The following TTC28 variants were observed in gnomAD, a reference collection of about 807,000 sequenced individuals.
TTC28 encodes tetratricopeptide repeat domain 28, also known as tetratricopeptide repeat protein 28.
Under a neutral mutation model 198.0 loss-of-function variants are expected in TTC28, and 61 were observed. The observed-to-expected ratio is 0.31, with a 90% CI of 0.25 to 0.38. The LOEUF (loss-of-function observed/expected upper bound fraction) is 0.38, where lower values mean the gene tolerates loss of function less well. TTC28 is among the 10% of genes least tolerant of loss of function. The probability of loss-of-function intolerance (pLI) is 1.00; values close to 1 mark genes in which losing one functional copy is unlikely to be tolerated. For missense variants in TTC28, 2,678 were observed against 3,164.0 expected, an observed-to-expected ratio of 0.85 and a Z score of 3.69; for synonymous variants, 1,171 against 1,297.8, an observed-to-expected ratio of 0.90 and a Z score of 2.10.
chr22:28,536,198 C>CAAAAAAAAAAAAAA (rs59506221), intron 2 of TTC28, among the ~76,000 whole-genome samples: 2 of 64,402 alleles, frequency 3.1e-5, no homozygotes, highest in Non-Finnish European at 5.8e-5. Flanking sequence ...GACACCGTCT[C>CAAAAAAAAAAAAAA]AAAAAAAAAA....
intron 2 of TTC28, among the ~76,000 whole-genome samples, chr22:28,537,814 G>A (rs1026758761): frequency 6.6e-6 from 1 of 152,142 alleles, no homozygotes; most frequent in Non-Finnish European, 1.5e-5. Flanking sequence ...AACTAGGGTA[G>A]TTCTCTATAA....
chr22:28,202,033 A>T (rs1048211317), intron 5 of TTC28, among the ~76,000 whole-genome samples: 1 of 152,106 alleles, frequency 6.6e-6, no homozygotes, highest in Non-Finnish European at 1.5e-5. Context: ...CAACAATCTT[A>T]GGAAGTAGTC....
chr22:28,228,217 A>G (rs1484714143), intron 5 of TTC28, among the ~76,000 whole-genome samples: 1 of 151,994 alleles, frequency 6.6e-6, no homozygotes, highest in Non-Finnish European at 1.5e-5. Flanking sequence ...GGAGGAAAGG[A>G]GAATGAGGAG....
Position 28,076,661 on chromosome 22 carries a change from CA to C in TTC28, c.3932+17418del, listed in dbSNP as rs528315903. On this transcript the variant is annotated intron_variant, in intron 12 of 22. Coordinates refer to ENST00000397906, the MANE Select transcript of TTC28 (RefSeq NM_001145418.2). ...GCGCAACCATAGCTCACTGCAGGCTCAAACTCCTGGGATCAAGTGACCCTCC... is the reference window on the plus strand; with the variant it reads ...GCGCAACCATAGCTCACTGCAGGCTCAACTCCTGGGATCAAGTGACCCTCC... Among the ~76,000 whole-genome samples the C allele has an allele frequency of 1.3e-4, 20 of 152,286 alleles. No homozygotes were observed. The South Asian group carries it at 4.1e-3, about 32-fold the overall frequency.
At chr22:28,203,385 C>A (rs955497771) in intron 5 of TTC28, among the ~76,000 whole-genome samples, 6 of 152,070 alleles carry the variant, frequency 3.9e-5, no homozygotes, top group African/African-American at 1.4e-4. Flanking sequence ...AGTACACACT[C>A]AAAAAATGGT....
intron 5 of TTC28, among the ~76,000 whole-genome samples, chr22:28,240,465 A>G (rs922404639): frequency 1.3e-5 from 2 of 152,222 alleles, no homozygotes; most frequent in African/African-American, 2.4e-5. Context: ...AATGGTGTAT[A>G]CATACATGTA....
At chr22:28,016,482 A>G (rs545131790) in intron 13 of TTC28, among the ~76,000 whole-genome samples, 15 of 152,336 alleles carry the variant, frequency 9.8e-5, no homozygotes, top group African/African-American at 3.4e-4. Context: ...GCAGATGGGC[A>G]GCAGCAGGAG....
chr22:28,478,878 T>C (rs1327970270), intron 2 of TTC28, among the ~76,000 whole-genome samples: 2 of 152,186 alleles, frequency 1.3e-5, no homozygotes, highest in Non-Finnish European at 2.9e-5. Flanking sequence ...CCCAAGTCAC[T>C]CTTCTACCAC....
chr22:28,283,815 T>G (rs1051364924), intron 5 of TTC28, among the ~76,000 whole-genome samples: 9 of 152,126 alleles, frequency 5.9e-5, no homozygotes, highest in African/African-American at 2.2e-4. Flanking sequence ...TCCCAAGTAG[T>G]TGAGACTATA....
chr22:28,099,004 T>A lies in TTC28; in HGVS notation c.3458A>T (p.Glu1153Val). 1 of 1,551,974 alleles carries A rather than the reference T, an allele frequency of 6.4e-7. No individual in the cohort carries two copies. The highest frequency in any genetic ancestry group is 8.7e-7 in the Non-Finnish European group (1 of 1,147,052). ...TTTGTAGTCCGTGCTCAGCTGTGCC[T>A]CATGTCGGATTGTTTCAAACAAGGC... Reference protein sequence around the residue: ...ASALFETIRHEAQLSTDYKLS... With the variant: ...ASALFETIRHVAQLSTDYKLS... Residue 1153 changes from glutamate to valine, a missense_variant, in exon 10 of 23, where the codon GAG becomes GTG. Coordinates refer to ENST00000397906, the MANE Select transcript of TTC28 (RefSeq NM_001145418.2).
At chr22:28,566,147 T>C (rs1459083519) in intron 2 of TTC28, among the ~76,000 whole-genome samples, 1 of 152,214 alleles carries the variant, frequency 6.6e-6, no homozygotes, top group Non-Finnish European at 1.5e-5. Flanking sequence ...CCATTAGTTC[T>C]ATAAGCTCCT....
At chr22:28,246,198 A>G (rs77087053) in intron 5 of TTC28, among the ~76,000 whole-genome samples, 4 of 152,312 alleles carry the variant, frequency 2.6e-5, no homozygotes, top group Non-Finnish European at 5.9e-5. Context: ...GCATTTGTAC[A>G]CAAGAGACCT....
intron 2 of TTC28, among the ~76,000 whole-genome samples, chr22:28,533,069 G>A (rs1483458759): frequency 6.6e-6 from 1 of 152,092 alleles, no homozygotes; most frequent in African/African-American, 2.4e-5. Flanking sequence ...CAATCAGGCA[G>A]GAGAAAGAAA....
At chr22:28,445,694 T>C (rs1466757306) in intron 2 of TTC28, among the ~76,000 whole-genome samples, 2 of 152,304 alleles carry the variant, frequency 1.3e-5, no homozygotes, top group East Asian at 3.9e-4. Flanking sequence ...GATGCCCTCT[T>C]GGCTGCCTCC....
chr22:28,291,760 G>T (rs544277856), intron 5 of TTC28, among the ~76,000 whole-genome samples: 13 of 152,206 alleles, frequency 8.5e-5, no homozygotes, highest in Non-Finnish European at 1.6e-4. Flanking sequence ...TATTTTTCCA[G>T]ATTTTATAAT....
intron 12 of TTC28, among the ~76,000 whole-genome samples, chr22:28,042,109 G>A (rs763822226): frequency 6.6e-6 from 1 of 152,140 alleles, no homozygotes; most frequent in Non-Finnish European, 1.5e-5. Flanking sequence ...TGGAGAAATA[G>A]GAATGCTTTT....
chr22:28,263,641 GTA>G (rs1178519948), intron 5 of TTC28, among the ~76,000 whole-genome samples: 2 of 152,064 alleles, frequency 1.3e-5, no homozygotes, highest in Non-Finnish European at 2.9e-5. Context: ...GATAATAATA[GTA>G]TAGTATTGTG....
At chr22:28,122,429 T>G (rs980021982) in intron 6 of TTC28, among the ~76,000 whole-genome samples, 1 of 152,232 alleles carries the variant, frequency 6.6e-6, no homozygotes, top group Non-Finnish European at 1.5e-5. Context: ...CTGTTTCTTA[T>G]AGTCAAAAGA....
At chr22:28,092,936 T>A (rs1397004570) in intron 12 of TTC28, among the ~76,000 whole-genome samples, 6 of 152,174 alleles carry the variant, frequency 3.9e-5, no homozygotes, top group Admixed American at 1.3e-4. Flanking sequence ...ATTCTTATAT[T>A]TGGCTACTTT....
Sources: gnomAD v4.1 joint callset for allele counts (sites outside exome capture counted in the v4.1 genomes callset) on GRCh38, gnomAD v4.1.1 for gene constraint, MANE v1.5 for transcripts, NCBI Gene and HGNC (gene_info 2026-07-23, HGNC 2026-07-21) for gene names.